Variants in PHF21A observed in about 807,000 individuals in gnomAD.
PHF21A encodes BHC80a.
A neutral mutation model predicts 82.5 loss-of-function variants in PHF21A; 11 were observed. That is an observed-to-expected ratio of 0.13 (90% CI 0.08 to 0.22). PHF21A has a LOEUF of 0.22. Ranked by LOEUF, PHF21A falls within the 10% of genes least tolerant of loss-of-function variation. PHF21A has a pLI of 1.00. For missense variants in PHF21A, 579 were observed against 837.8 expected (o/e 0.69, Z 3.81); for synonymous variants, 297 against 302.8 (o/e 0.98, Z 0.20).
intron 7 of PHF21A, among the ~76,000 whole-genome samples, chr11:45,976,260 G>A (rs2094017496): frequency 6.6e-6 from 1 of 152,092 alleles, no homozygotes; most frequent in South Asian, 2.1e-4. Context: ...ACAGGGCCCT[G>A]CTCAGATGCA....
At chr11:45,976,384 A>T (rs1565358499) in intron 7 of PHF21A, among the ~76,000 whole-genome samples, 1 of 152,164 alleles carries the variant, frequency 6.6e-6, no homozygotes, top group African/African-American at 2.4e-5. Flanking sequence ...CTGATTTGTG[A>T]ATTTAGTCTC....
At chr11:46,050,472 G>A (rs972401738) in intron 6 of PHF21A, among the ~76,000 whole-genome samples, 2 of 152,150 alleles carry the variant, frequency 1.3e-5, no homozygotes, top group East Asian at 3.8e-4. Flanking sequence ...CATAGCTGCC[G>A]AATCACAGAA....
intron 4 of PHF21A, 45 bp from the exon 5 acceptor site, chr11:46,079,211 C>T (rs1418720230): frequency 2.1e-6 from 3 of 1,405,982 alleles, no homozygotes; most frequent in South Asian, 1.3e-5. Context: ...TACATATTAA[C>T]TCCCTATGGC....
chr11:45,942,692 T>C (rs1361556965), intron 15 of PHF21A, among the ~76,000 whole-genome samples: 1 of 152,232 alleles, frequency 6.6e-6, no homozygotes, highest in Non-Finnish European at 1.5e-5. Context: ...AGAATTCTTC[T>C]ATGACCCTAG....
At chr11:46,075,323 C>G (rs1235680203) in intron 6 of PHF21A, among the ~76,000 whole-genome samples, 1 of 152,142 alleles carries the variant, frequency 6.6e-6, no homozygotes, top group Non-Finnish European at 1.5e-5. Context: ...ATCCCCCAAC[C>G]CCTACTCCAC....
intron 6 of PHF21A, among the ~76,000 whole-genome samples, chr11:46,069,842 G>C (rs1435902557): frequency 6.6e-6 from 1 of 152,124 alleles, no homozygotes; most frequent in East Asian, 1.9e-4. Context: ...TACTTTACAC[G>C]TAAGATGAAA....
At chr11:46,024,236 C>T (rs2095693087) in intron 6 of PHF21A, among the ~76,000 whole-genome samples, 1 of 152,154 alleles carries the variant, frequency 6.6e-6, no homozygotes, top group Non-Finnish European at 1.5e-5. Flanking sequence ...TTATTATCTT[C>T]TCTGACTTTC....
At chr11:45,972,058 A>G (rs182969112) in intron 7 of PHF21A, among the ~76,000 whole-genome samples, 67 of 151,806 alleles carry the variant, frequency 4.4e-4, no homozygotes, top group African/African-American at 1.6e-3. Context: ...TCTTGATACT[A>G]AAGGGATATT....
chr11:46,103,415 A>G (rs1242869910), intron 1 of PHF21A, among the ~76,000 whole-genome samples: 1 of 152,258 alleles, frequency 6.6e-6, no homozygotes, highest in Non-Finnish European at 1.5e-5. Flanking sequence ...TTGAAAGATA[A>G]CTATACAACC....
At chr11:46,046,764 C>T (rs1300316139) in intron 6 of PHF21A, among the ~76,000 whole-genome samples, 2 of 152,104 alleles carry the variant, frequency 1.3e-5, no homozygotes, top group Non-Finnish European at 1.5e-5. Flanking sequence ...TAAAACCCAA[C>T]AACATAGAAG....
At chr11:46,105,518 A>G (rs1276542391) in intron 1 of PHF21A, among the ~76,000 whole-genome samples, 4 of 152,166 alleles carry the variant, frequency 2.6e-5, no homozygotes, top group African/African-American at 9.7e-5. Context: ...CAATTCAGAG[A>G]CGTCCCTGTG....
At chr11:46,109,057 G>T (rs749290647) in intron 1 of PHF21A, among the ~76,000 whole-genome samples, 1 of 152,190 alleles carries the variant, frequency 6.6e-6, no homozygotes, top group African/African-American at 2.4e-5. Context: ...CACTGTAGCT[G>T]TGGCCATTTC....
chr11:45,986,388 G>A (rs1389166642), intron 6 of PHF21A, among the ~76,000 whole-genome samples: 2 of 152,094 alleles, frequency 1.3e-5, no homozygotes, highest in Admixed American at 6.5e-5. Context: ...AAAAACCTGG[G>A]ACTGCCTTTA....
chr11:46,097,607 T>C (rs1470673643), intron 1 of PHF21A, among the ~76,000 whole-genome samples: 4 of 152,290 alleles, frequency 2.6e-5, no homozygotes, highest in South Asian at 4.1e-4. Context: ...ACAAGAATAA[T>C]ACCTTTTTAC....
intron 1 of PHF21A, among the ~76,000 whole-genome samples, chr11:46,096,654 CCTTGCCTCCAA>C (rs922893986): frequency 2.0e-4 from 31 of 152,202 alleles, no homozygotes; most frequent in African/African-American, 7.0e-4. Context: ...GCTGGTTCCT[CCTTGCCTCCAA>C]CACCTTAAAA....
intron 6 of PHF21A, among the ~76,000 whole-genome samples, chr11:46,029,505 T>C (rs1019128853): frequency 6.6e-6 from 1 of 152,142 alleles, no homozygotes; most frequent in East Asian, 1.9e-4. Context: ...CTGGGCAACA[T>C]GGTGAAACCC....
chr11:46,057,455 T>G (rs1299437481), intron 6 of PHF21A, among the ~76,000 whole-genome samples: 2 of 152,142 alleles, frequency 1.3e-5, no homozygotes, highest in African/African-American at 2.4e-5. Context: ...ATTTTCCCAA[T>G]GAACCCAGGC....
intron 6 of PHF21A, among the ~76,000 whole-genome samples, chr11:46,032,383 C>T (rs187755711): frequency 2.6e-5 from 4 of 151,988 alleles, no homozygotes; most frequent in East Asian, 1.9e-4. Context: ...CCATGTCCTT[C>T]GTTTATTTAA....
chr11:46,013,309 G>A (rs2095447346), intron 6 of PHF21A, among the ~76,000 whole-genome samples: 1 of 152,074 alleles, frequency 6.6e-6, no homozygotes, highest in South Asian at 2.1e-4. Context: ...ATCTCTCCCT[G>A]TCCCACCCCT....
Sources: allele counts gnomAD v4.1 joint callset (sites outside exome capture counted in the v4.1 genomes callset), GRCh38; gene constraint gnomAD v4.1.1; transcripts MANE v1.5; gene names NCBI Gene and HGNC (gene_info 2026-07-23, HGNC 2026-07-21).